NCOR1: variants seen among roughly 807,000 people sequenced by gnomAD.
The protein encoded by NCOR1 is nuclear receptor corepressor 1.
Under a neutral mutation model 288.1 loss-of-function variants are expected in NCOR1, and 63 were observed. The ratio of observed to expected loss-of-function variants is 0.22; its 90% confidence interval spans 0.18 to 0.27. The LOEUF (loss-of-function observed/expected upper bound fraction) is 0.27, where lower values mean the gene tolerates loss of function less well. NCOR1 is among the 10% of genes least tolerant of loss of function. The pLI is 1.00. For synonymous variants in NCOR1, 1,007 were observed against 1,065.9 expected (o/e 0.94, Z 1.08); for missense variants, 2,397 against 3,019.2 (o/e 0.79, Z 4.83).
In NCOR1 at chr17:16,215,346, G is replaced by C. The variant is rs1029278213; in HGVS notation, c.-71+16C>G. The C allele has an allele frequency of 1.5e-5, 6 of 392,804 alleles. No individual in the cohort carries two copies. Among genetic ancestry groups the C allele is most frequent in the Non-Finnish European group, 2.7e-5 (6 of 222,702 alleles). The allele number at this position is 392,804 out of a possible 1,614,324, so 24.3% of individuals were successfully genotyped here. Reference sequence around the variant, plus strand: ...GAGCCCGGAGGCCGGGGTTGCAGGCGCCAGGGCCTACTCACCGGGAGCTGG... The same window carrying C: ...GAGCCCGGAGGCCGGGGTTGCAGGCCCCAGGGCCTACTCACCGGGAGCTGG... On this transcript the variant is annotated intron_variant, in intron 1 of 45. Coordinates refer to ENST00000268712, the MANE Select transcript of NCOR1 (RefSeq NM_006311.4).
intron 17 of NCOR1, among the ~76,000 whole-genome samples, chr17:16,118,676 A>T (rs1468981514): frequency 5.9e-5 from 9 of 152,234 alleles, no homozygotes; most frequent in Non-Finnish European, 4.4e-5. Context: ...AAAAATATGA[A>T]ATGTGTCACT....
chr17:16,076,687 A>G (rs1045305084), intron 26 of NCOR1, among the ~76,000 whole-genome samples: 1 of 152,184 alleles, frequency 6.6e-6, no homozygotes, highest in African/African-American at 2.4e-5. Context: ...GGATCATGAC[A>G]TCCGATGAAA....
chr17:16,183,407 G>A (rs2085957788), intron 3 of NCOR1, among the ~76,000 whole-genome samples: 1 of 150,446 alleles, frequency 6.6e-6, no homozygotes, highest in African/African-American at 2.4e-5. Context: ...TAAAGTTGCA[G>A]GATACAAAAT....
chr17:16,106,171 T>C (rs939831523), intron 19 of NCOR1, among the ~76,000 whole-genome samples: 10 of 152,196 alleles, frequency 6.6e-5, no homozygotes, highest in Admixed American at 1.3e-4. Flanking sequence ...TACCAAAGCA[T>C]TGAAAAGCTA....
intron 1 of NCOR1, among the ~76,000 whole-genome samples, chr17:16,203,040 T>TACACAC (rs57228948): frequency 0.023 from 3,323 of 147,014 alleles, 130 homozygotes; most frequent in African/African-American, 0.075. Context: ...AGCTGTTCCT[T>TACACAC]ACACACACAC....
Position 16,091,900 on chromosome 17 carries a change from T to G in NCOR1, c.2979A>C (p.Pro993=). 5.0e-6 allele frequency: 8 copies of G among 1,614,226 alleles called. No homozygotes were observed. Among genetic ancestry groups the G allele is most frequent in the Non-Finnish European group, 6.8e-6 (8 of 1,180,034 alleles). Residue 993 remains proline (P), a synonymous_variant, in exon 22 of 46, where the codon CCA becomes CCC. Transcript: ENST00000268712. The part of the protein sequence containing the change: ...IDLECRSSTS[P]CGTSKSPNRE... The stretch of plus-strand genomic sequence containing the variant: ...TGTTTGGACTCTTGGATGTGCCACA[T>G]GGACTTGTAGAACTTCTACATTCCA...
At position 16,056,905 on chromosome 17, in the gene NCOR1, C is replaced by CATAT. The variant is rs374036500; in HGVS notation, c.6392+605_6392+608dup. ...GTGTGTATCTATACATACATATATA[C>CATAT]ATATATATATATATAAAATTATTCA... is the stretch of plus-strand genomic sequence containing the variant. On this transcript the variant is annotated intron_variant, in intron 40 of 45. Coordinates refer to ENST00000268712, the MANE Select transcript of NCOR1 (RefSeq NM_006311.4). 7.1e-3 allele frequency: 1,067 copies of CATAT among 150,104 alleles called. 10 individuals are homozygous for CATAT. Among genetic ancestry groups the CATAT allele is most frequent in the African/African-American group, 0.025 (1,026 of 40,914 alleles). 9.3% of individuals were successfully genotyped at this position (150,104 alleles called of 1,614,324 possible).
At chr17:16,077,563 A>G (rs1437584415) in intron 26 of NCOR1, among the ~76,000 whole-genome samples, 3 of 12,336 alleles carry the variant, frequency 2.4e-4, no homozygotes, top group African/African-American at 3.5e-4. Flanking sequence ...AGGGGAGGGG[A>G]GGAGAGGGGG....
At chr17:16,071,773 T>C (rs937022038) in intron 29 of NCOR1, 108 bp from the exon 30 acceptor site, 15 of 1,035,214 alleles carry the variant, frequency 1.4e-5, no homozygotes, top group Non-Finnish European at 2.1e-5. Flanking sequence ...GTTACATATA[T>C]TTTAACATAA....
At chr17:16,173,153 C>G (rs558525365) in intron 3 of NCOR1, among the ~76,000 whole-genome samples, 1 of 152,162 alleles carries the variant, frequency 6.6e-6, no homozygotes, top group South Asian at 2.1e-4. Flanking sequence ...AACTCCTGAG[C>G]TAAGCAATCC....
At chr17:16,174,714 T>A (rs921437819) in intron 3 of NCOR1, among the ~76,000 whole-genome samples, 1 of 152,204 alleles carries the variant, frequency 6.6e-6, no homozygotes, top group African/African-American at 2.4e-5. Flanking sequence ...CTTTGCTAAG[T>A]ACAATTTAAT....
intron 1 of NCOR1, among the ~76,000 whole-genome samples, chr17:16,199,375 C>A: frequency 6.6e-6 from 1 of 152,118 alleles, no homozygotes; most frequent in East Asian, 1.9e-4. Flanking sequence ...CCATGAGATA[C>A]ACGGCAACAG....
intron 6 of NCOR1, among the ~76,000 whole-genome samples, chr17:16,157,976 A>ATTTT (rs556854474): frequency 6.9e-6 from 1 of 144,904 alleles, no homozygotes. Flanking sequence ...TTGAACTTTG[A>ATTTT]TTTTTTTTTT....
Position 16,064,830 on chromosome 17 carries a change from G to A in NCOR1, c.5101+40C>T, listed in dbSNP as rs756984039. ...GGCTATGTTGTAAAAATGTAAACAT[G>A]ATGGTTCTATTAGAGAGGTGTGTAA... On this transcript the variant is annotated intron_variant, in intron 34 of 45. Coordinates refer to ENST00000268712, the MANE Select transcript of NCOR1 (RefSeq NM_006311.4). The A allele has an allele frequency of 2.7e-5, 41 of 1,497,902 alleles. No homozygotes were observed. The African/African-American group carries it at 3.5e-4, about 13-fold the overall frequency. 92.8% of individuals were successfully genotyped at this position (1,497,902 alleles called of 1,614,324 possible).
chr17:16,120,820 T>C (rs2072850128), intron 16 of NCOR1, among the ~76,000 whole-genome samples: 1 of 152,122 alleles, frequency 6.6e-6, no homozygotes, highest in Non-Finnish European at 1.5e-5. Flanking sequence ...TTAGAAAATA[T>C]TTATGGCACA....
At chr17:16,186,505 T>C in intron 3 of NCOR1, 49 bp downstream of exon 3, 14 of 1,563,604 alleles carry the variant, frequency 9.0e-6, no homozygotes, top group East Asian at 4.5e-5. Flanking sequence ...CAAACTTGTA[T>C]ACTTCACAAT....
intron 21 of NCOR1, among the ~76,000 whole-genome samples, chr17:16,093,970 C>G (rs991200692): frequency 6.6e-6 from 1 of 151,994 alleles, no homozygotes; most frequent in African/African-American, 2.4e-5. Context: ...TGCAGTGGTG[C>G]CATCTCACCT....
chr17:16,179,895 T>G lies in NCOR1; in HGVS notation c.242+6659A>C, dbSNP rs187710378. ...CGGGCGTGAAGCCGGGAGGCAGAGCTTGCAGTGAGCCAAGATCGTGCCACT... is the reference window on the plus strand; with the variant it reads ...CGGGCGTGAAGCCGGGAGGCAGAGCGTGCAGTGAGCCAAGATCGTGCCACT... On this transcript the variant is annotated intron_variant, in intron 3 of 45. Transcript: ENST00000268712. Among the ~76,000 whole-genome samples, 795 of 148,692 alleles carry G rather than the reference T, an allele frequency of 5.3e-3. 6 individuals carry two copies. The highest frequency in any genetic ancestry group is 0.019 in the African/African-American group (752 of 40,168).
chr17:16,133,072 G>C (rs915593349), intron 14 of NCOR1, among the ~76,000 whole-genome samples: 2 of 152,038 alleles, frequency 1.3e-5, no homozygotes, highest in Middle Eastern at 3.4e-3. Flanking sequence ...AGGTTCAAGC[G>C]ATTTTTCTAC....
Sources: allele counts gnomAD v4.1 joint callset (sites outside exome capture counted in the v4.1 genomes callset), GRCh38; gene constraint gnomAD v4.1.1; transcripts MANE v1.5; gene names NCBI Gene and HGNC (gene_info 2026-07-23, HGNC 2026-07-21).